Variants in OXCT1 observed in about 807,000 individuals in gnomAD.
The protein encoded by OXCT1 is 3-oxoacid CoA-transferase 1.
Under a neutral mutation model 69.6 loss-of-function variants are expected in OXCT1, and 27 were observed. That is an observed-to-expected ratio of 0.39 (90% CI 0.29 to 0.54). The LOEUF is 0.54. Among genes scored for constraint, OXCT1 ranks in the 20% least tolerant of loss-of-function variants. The pLI, the probability that OXCT1 is intolerant of heterozygous loss-of-function variation, is 0.72. For missense variants in OXCT1, 437 were observed against 650.2 expected (o/e 0.67, Z 3.57); for synonymous variants, 202 against 217.8 (o/e 0.93, Z 0.64).
At chr5:41,818,799 A>C (rs556921328) in intron 7 of OXCT1, among the ~76,000 whole-genome samples, 1 of 152,294 alleles carries the variant, frequency 6.6e-6, no homozygotes, top group Admixed American at 6.5e-5. Context: ...AAAAGGGGTC[A>C]ATGAATCATA....
intron 14 of OXCT1, among the ~76,000 whole-genome samples, chr5:41,760,496 G>C (rs143748345): frequency 2.0e-5 from 3 of 152,184 alleles, no homozygotes; most frequent in Non-Finnish European, 2.9e-5. Flanking sequence ...AGAAATTCCA[G>C]CTGAGGAGAA....
intron 2 of OXCT1, 69 bp downstream of exon 2, chr5:41,862,573 T>A: frequency 1.2e-6 from 1 of 830,598 alleles, no homozygotes; most frequent in Non-Finnish European, 2.1e-6. Context: ...TCTTTGTCAT[T>A]GTGATTTGCC....
In OXCT1 at chr5:41,829,724, A is replaced by G. The variant is rs1579827742; in HGVS notation, c.732+10727T>C. On this transcript the variant is annotated intron_variant, in intron 7 of 16. Coordinates refer to ENST00000196371, the MANE Select transcript of OXCT1 (RefSeq NM_000436.4). ...CAAGTGTATGTAAAATAATGCAGTA[A>G]GTTAATACTAGGCATTCACCAAGTC... 2.0e-5 allele frequency among the ~76,000 whole-genome samples: 3 copies of G among 152,200 alleles called. No homozygotes were observed. The East Asian group carries it at 5.8e-4, about 29-fold the overall frequency.
intron 3 of OXCT1, among the ~76,000 whole-genome samples, chr5:41,854,068 T>C (rs1749316086): frequency 6.6e-6 from 1 of 152,146 alleles, no homozygotes; most frequent in Admixed American, 6.5e-5. Flanking sequence ...AAAAGAGAGA[T>C]TAACATGCTC....
rs546640884 is a variant in OXCT1 at position 41,794,317 on chromosome 5, G to A, written c.1173-239C>T. 4.3e-4 allele frequency: 257 copies of A among 598,332 alleles called. 4 individuals carry two copies. The South Asian group carries it at 5.2e-3, about 12-fold the overall frequency. 37.1% of individuals were successfully genotyped at this position (598,332 alleles called of 1,614,324 possible). A position where few individuals can be genotyped will look rare whatever the true frequency, so the allele number is the denominator to read the frequency against. ...AACAAACTATGAACAGGTGTACACA[G>A]GAAGACTGTTTCCTTCAGTGAGGCA... On this transcript the variant is annotated intron_variant, in intron 12 of 16. Transcript: ENST00000196371.
rs533110970 is a variant in OXCT1 at position 41,838,626 on chromosome 5, T to C, written c.732+1825A>G. Among the ~76,000 whole-genome samples, 27 of 136,550 alleles carry C rather than the reference T, an allele frequency of 2.0e-4. No homozygotes were observed. In the East Asian group the frequency reaches 5.5e-3, roughly 28 times the overall value. The allele number at this position is 136,550 out of a possible 152,430, so 89.6% of individuals were successfully genotyped here. ...AAGGTAAATTCAATTTCTCAGTCAA[T>C]TTTTTTTTTTTTTTTTGAGACAGGG... On this transcript the variant is annotated intron_variant, in intron 7 of 16. Coordinates refer to ENST00000196371, the MANE Select transcript of OXCT1 (RefSeq NM_000436.4).
At chr5:41,798,531 C>T (rs953914605) in intron 11 of OXCT1, among the ~76,000 whole-genome samples, 25 of 152,116 alleles carry the variant, frequency 1.6e-4, no homozygotes, top group Non-Finnish European at 2.8e-4. Context: ...CCAAATGTCT[C>T]TGGGGGCAAA....
intron 13 of OXCT1, among the ~76,000 whole-genome samples, chr5:41,788,443 T>C (rs1745756971): frequency 6.6e-6 from 1 of 152,122 alleles, no homozygotes; most frequent in African/African-American, 2.4e-5. Context: ...TCTAACTATA[T>C]GATTACAAAA....
chr5:41,850,046 G>A lies in OXCT1; in HGVS notation c.548C>T (p.Ala183Val), dbSNP rs1315753692. ...KYNKDGSVAI[A>V]SKPREVREFN... is the part of the protein sequence containing the mutation. ...GTTTCTTACCTCTCTTGGCTTACTG[G>A]CAATGGCAACACTGCCATCTTTGTT... Residue 183 changes from alanine to valine, a missense_variant, in exon 5 of 17, where the codon GCC (alanine) becomes GTC (valine). Transcript: ENST00000196371. The A allele has an allele frequency of 6.2e-7, 1 of 1,613,854 alleles. No individual in the cohort carries two copies. Among genetic ancestry groups the A allele is most frequent in the African/African-American group, 1.3e-5 (1 of 75,004 alleles).
intron 15 of OXCT1, chr5:41,739,777 A>G: frequency 2.8e-6 from 1 of 355,846 alleles, no homozygotes; most frequent in Non-Finnish European, 5.5e-6. Flanking sequence ...AGGCTGAGGC[A>G]GGAGAATGGC....
chr5:41,835,541 G>GTGT (rs1459876728), intron 7 of OXCT1, among the ~76,000 whole-genome samples: 2 of 152,056 alleles, frequency 1.3e-5, no homozygotes, highest in Non-Finnish European at 2.9e-5. Context: ...AAACCACACA[G>GTGT]GCTACAATAA....
At chr5:41,749,443 G>T (rs1743657439) in intron 15 of OXCT1, 84 bp downstream of exon 15, 2 of 774,688 alleles carry the variant, frequency 2.6e-6, no homozygotes, top group Non-Finnish European at 4.6e-6. Flanking sequence ...TATGACTACT[G>T]GTGTAATACA....
intron 14 of OXCT1, among the ~76,000 whole-genome samples, chr5:41,756,139 G>C (rs956375660): frequency 1.3e-5 from 2 of 152,000 alleles, no homozygotes; most frequent in Non-Finnish European, 2.9e-5. Context: ...TCAGAATCCA[G>C]ACCTCCTATT....
At chr5:41,845,859 C>T (rs965948765) in intron 5 of OXCT1, among the ~76,000 whole-genome samples, 1 of 151,798 alleles carries the variant, frequency 6.6e-6, no homozygotes, top group Non-Finnish European at 1.5e-5. Flanking sequence ...CTTATTTAGA[C>T]AGTAAAGGAA....
intron 14 of OXCT1, among the ~76,000 whole-genome samples, chr5:41,753,855 G>A (rs1743931393): frequency 6.6e-6 from 1 of 152,104 alleles, no homozygotes; most frequent in Non-Finnish European, 1.5e-5. Context: ...TAATGTCTAT[G>A]GACCACTAGG....
intron 2 of OXCT1, among the ~76,000 whole-genome samples, chr5:41,862,110 C>T (rs1384852243): frequency 6.6e-6 from 1 of 152,134 alleles, no homozygotes; most frequent in African/African-American, 2.4e-5. Flanking sequence ...ACTCGGGAGG[C>T]TAAGGCAGGA....
At chr5:41,775,936 G>A (rs535574697) in intron 13 of OXCT1, among the ~76,000 whole-genome samples, 70 of 152,208 alleles carry the variant, frequency 4.6e-4, no homozygotes, top group African/African-American at 1.7e-3. Context: ...CCAGATCTTT[G>A]AGGGTGGACT....
At chr5:41,853,586 A>G in intron 3 of OXCT1, 32 bp from the exon 4 acceptor site, 2 of 1,608,960 alleles carry the variant, frequency 1.2e-6, no homozygotes, top group Non-Finnish European at 1.7e-6. Flanking sequence ...CTTACCAAAG[A>G]GCATCTGACA....
intron 15 of OXCT1, among the ~76,000 whole-genome samples, chr5:41,741,775 A>T (rs1743181458): frequency 1.3e-5 from 2 of 152,206 alleles, no homozygotes; most frequent in South Asian, 2.1e-4. Flanking sequence ...ATTTCAGTAA[A>T]CTTTCCTTTT....
Sources: allele counts gnomAD v4.1 joint callset (sites outside exome capture counted in the v4.1 genomes callset), GRCh38; gene constraint gnomAD v4.1.1; transcripts MANE v1.5; gene names NCBI Gene and HGNC (gene_info 2026-07-23, HGNC 2026-07-21).